Variants in DACH1 observed in about 807,000 individuals in gnomAD.
DACH1 encodes dachshund homolog 1.
A neutral mutation model predicts 54.2 loss-of-function variants in DACH1; 12 were observed. The observed-to-expected ratio is 0.22, with a 90% CI of 0.14 to 0.36. The LOEUF (loss-of-function observed/expected upper bound fraction) is 0.36, where lower values mean the gene tolerates loss of function less well. Among genes scored for constraint, DACH1 ranks in the 10% least tolerant of loss-of-function variants. DACH1 has a pLI of 1.00. For synonymous variants in DACH1, 386 were observed against 366.2 expected (o/e 1.05, Z -0.62); for missense variants, 805 against 929.8 (o/e 0.87, Z 1.75).
chr13:71,533,845 T>A (rs1482579384), intron 6 of DACH1, among the ~76,000 whole-genome samples: 1 of 151,880 alleles, frequency 6.6e-6, no homozygotes, highest in East Asian at 1.9e-4. Context: ...AGGAATAGCA[T>A]CAGTATGTAT....
intron 6 of DACH1, among the ~76,000 whole-genome samples, chr13:71,522,318 TG>T (rs1350927799): frequency 2.0e-5 from 3 of 152,020 alleles, no homozygotes; most frequent in Non-Finnish European, 4.4e-5. Flanking sequence ...TCAGAAGTAC[TG>T]GGGGAAGAGG....
At chr13:71,461,839 A>G (rs113133878) in intron 10 of DACH1, among the ~76,000 whole-genome samples, 1,594 of 152,126 alleles carry the variant, frequency 0.01, 35 homozygotes, top group African/African-American at 0.035. Flanking sequence ...CTAAGAAAAT[A>G]AAGACATCAA....
intron 1 of DACH1, among the ~76,000 whole-genome samples, chr13:71,815,448 C>G (rs549214713): frequency 3.0e-4 from 45 of 152,024 alleles, no homozygotes; most frequent in Non-Finnish European, 6.0e-4. Flanking sequence ...CATATAGATG[C>G]AGACTGTGAA....
At chr13:71,805,359 A>G (rs1052612041) in intron 1 of DACH1, among the ~76,000 whole-genome samples, 1 of 152,222 alleles carries the variant, frequency 6.6e-6, no homozygotes, top group Non-Finnish European at 1.5e-5. Context: ...GCCTCAAAAG[A>G]GTCAACATTT....
intron 1 of DACH1, among the ~76,000 whole-genome samples, chr13:71,817,619 T>C (rs1888009987): frequency 6.6e-6 from 1 of 152,166 alleles, no homozygotes. Flanking sequence ...AATGACACAT[T>C]GAACTTCAAA....
At chr13:71,525,231 C>T (rs1025214946) in intron 6 of DACH1, among the ~76,000 whole-genome samples, 3 of 152,022 alleles carry the variant, frequency 2.0e-5, no homozygotes, top group Non-Finnish European at 4.4e-5. Context: ...GAGAGCAAAA[C>T]AAAGTAACAC....
At chr13:71,659,309 A>C (rs1879343230) in intron 2 of DACH1, among the ~76,000 whole-genome samples, 1 of 152,132 alleles carries the variant, frequency 6.6e-6, no homozygotes, top group Non-Finnish European at 1.5e-5. Flanking sequence ...ACATTAAAGC[A>C]ATTTCAATGC....
At chr13:71,654,434 T>G (rs1212949680) in intron 2 of DACH1, among the ~76,000 whole-genome samples, 5 of 125,662 alleles carry the variant, frequency 4.0e-5, no homozygotes, top group African/African-American at 1.5e-4. Context: ...TAAAATAAAA[T>G]AAAATAAAAT....
intron 1 of DACH1, among the ~76,000 whole-genome samples, chr13:71,723,568 T>C (rs1020094251): frequency 9.9e-5 from 15 of 152,228 alleles, no homozygotes; most frequent in Admixed American, 3.9e-4. Context: ...TGACTTGCAT[T>C]TGACGCAATA....
intron 2 of DACH1, among the ~76,000 whole-genome samples, chr13:71,635,722 C>A (rs978961449): frequency 2.0e-5 from 3 of 152,062 alleles, no homozygotes; most frequent in Admixed American, 2.0e-4. Context: ...TACCCTCCCC[C>A]CTCTTCCATA....
intron 10 of DACH1, among the ~76,000 whole-genome samples, chr13:71,442,850 C>A (rs1050650824): frequency 7.2e-5 from 11 of 151,746 alleles, no homozygotes; most frequent in Non-Finnish European, 1.0e-4. Context: ...GTAAATGTAG[C>A]CTTTCTGTCT....
chr13:71,865,336 GT>G (rs1874658573), intron 1 of DACH1, among the ~76,000 whole-genome samples: 1 of 152,088 alleles, frequency 6.6e-6, no homozygotes, highest in African/African-American at 2.4e-5. Flanking sequence ...CGACCTCAAA[GT>G]GCCCTCCTCG....
At chr13:71,468,991 G>A (rs1447473782) in intron 10 of DACH1, among the ~76,000 whole-genome samples, 1 of 152,170 alleles carries the variant, frequency 6.6e-6, no homozygotes, top group Non-Finnish European at 1.5e-5. Flanking sequence ...GAGGCAACAA[G>A]CTAACTATCT....
intron 2 of DACH1, among the ~76,000 whole-genome samples, chr13:71,649,521 C>G (rs1878528350): frequency 6.6e-6 from 1 of 152,132 alleles, no homozygotes; most frequent in East Asian, 1.9e-4. Flanking sequence ...TGAACTTCAA[C>G]TGTGTAAGGT....
chr13:71,766,723 T>C (rs1433756873), intron 1 of DACH1, among the ~76,000 whole-genome samples: 1 of 152,138 alleles, frequency 6.6e-6, no homozygotes, highest in Non-Finnish European at 1.5e-5. Flanking sequence ...AATTAATATC[T>C]TGAAGTTCCT....
chr13:71,801,773 A>G (rs1382719086), intron 1 of DACH1, among the ~76,000 whole-genome samples: 2 of 151,272 alleles, frequency 1.3e-5, no homozygotes, highest in East Asian at 3.9e-4. Context: ...GCCACCCTTC[A>G]GGGTAAGGAG....
intron 6 of DACH1, among the ~76,000 whole-genome samples, chr13:71,494,193 G>A (rs955184407): frequency 2.0e-5 from 3 of 152,104 alleles, no homozygotes; most frequent in African/African-American, 7.2e-5. Flanking sequence ...AGTTGTTAGT[G>A]GAATGAAACC....
intron 3 of DACH1, among the ~76,000 whole-genome samples, chr13:71,610,457 C>T (rs1875237205): frequency 6.6e-6 from 1 of 151,836 alleles, no homozygotes; most frequent in South Asian, 2.1e-4. Context: ...TAGTAATTTC[C>T]TACTATTATA....
intron 1 of DACH1, among the ~76,000 whole-genome samples, chr13:71,864,568 C>A (rs1207648624): frequency 1.3e-5 from 2 of 152,140 alleles, no homozygotes; most frequent in African/African-American, 4.8e-5. Context: ...GCAAATTTTG[C>A]GCGCAGTTCC....
Sources: gnomAD v4.1 joint callset for allele counts (sites outside exome capture counted in the v4.1 genomes callset) on GRCh38, gnomAD v4.1.1 for gene constraint, MANE v1.5 for transcripts, NCBI Gene and HGNC (gene_info 2026-07-23, HGNC 2026-07-21) for gene names.